USP30: variants seen among roughly 807,000 people sequenced by gnomAD.
The protein encoded by USP30 is ubiquitin carboxyl-terminal hydrolase 30.
A neutral mutation model predicts 68.2 loss-of-function variants in USP30; 41 were observed. The ratio of observed to expected loss-of-function variants is 0.60; its 90% confidence interval spans 0.47 to 0.78. The LOEUF is 0.78. USP30 is among the 30% of genes least tolerant of loss of function. USP30 has a pLI of 0.00. For synonymous variants in USP30, 229 were observed against 253.7 expected, an observed-to-expected ratio of 0.90 and a Z score of 0.93; for missense variants, 522 against 649.4, an observed-to-expected ratio of 0.80 and a Z score of 2.13.
intron 4 of USP30, among the ~76,000 whole-genome samples, chr12:109,069,234 C>G (rs1004419963): frequency 6.6e-6 from 1 of 152,178 alleles, no homozygotes; most frequent in Non-Finnish European, 1.5e-5. Flanking sequence ...CATGGCTGAC[C>G]CACGGTTTAG....
At chr12:109,027,148 AT>A (rs2040450400) in intron 2 of USP30, among the ~76,000 whole-genome samples, 1 of 152,216 alleles carries the variant, frequency 6.6e-6, no homozygotes, top group Non-Finnish European at 1.5e-5. Flanking sequence ...GAGTATATTC[AT>A]AATGTTATAT....
Position 109,058,398 on chromosome 12 carries a change from A to T in USP30, c.376+290A>T, listed in dbSNP as rs144115468. 1.4e-4 allele frequency among the ~76,000 whole-genome samples: 21 copies of T among 152,206 alleles called. No homozygotes were observed. In the East Asian group the frequency reaches 4.1e-3, roughly 29 times the overall value. On this transcript the variant is annotated intron_variant, in intron 3 of 12. Transcript: ENST00000257548. ...AGCCTGACCAACATGGAGAAACTCC[A>T]TCTCTACTAAAAACACAAAAAATAT...
At chr12:109,074,950 G>A (rs2041551865) in intron 7 of USP30, among the ~76,000 whole-genome samples, 1 of 152,170 alleles carries the variant, frequency 6.6e-6, no homozygotes, top group Non-Finnish European at 1.5e-5. Context: ...TTCCATATAG[G>A]TATGAGATCA....
intron 1 of USP30, among the ~76,000 whole-genome samples, chr12:109,054,383 A>G (rs2040774231): frequency 6.6e-6 from 1 of 151,902 alleles, no homozygotes; most frequent in African/African-American, 2.4e-5. Context: ...TTACCTGGGC[A>G]TGTGGTGTGC....
At position 109,073,537 on chromosome 12, in the gene USP30, A is replaced by G. The variant is rs750540227; in HGVS notation, c.720+5A>G. The G allele has an allele frequency of 3.7e-6, 6 of 1,604,720 alleles. No homozygotes were observed. In the South Asian group the frequency reaches 6.6e-5, roughly 18 times the overall value. On this transcript the variant is annotated splice_donor_5th_base_variant and intron_variant, in intron 7 of 12. Transcript: ENST00000257548. ...TGCAAACACTGTGAACACCAGGTAA[A>G]TACAATACCAACACTTGATATTTCC...
At chr12:109,069,850 T>C (rs1282943700) in intron 4 of USP30, among the ~76,000 whole-genome samples, 1 of 151,898 alleles carries the variant, frequency 6.6e-6, no homozygotes, top group Non-Finnish European at 1.5e-5. Context: ...AGACCGGAAG[T>C]ATAAAAGAGA....
rs561447665 is a variant in USP30, at chr12:109,077,586, T to C, written c.721-3748T>C. 8.5e-5 allele frequency among the ~76,000 whole-genome samples: 13 copies of C among 152,338 alleles called. No individual in the cohort carries two copies. The South Asian group carries it at 2.7e-3, about 32-fold the overall frequency. ...GTGGACAGCATATAATGGGTCTTGC[T>C]TTTTTAACTAGCTTGACAATCTTTT... is the stretch of plus-strand genomic sequence containing the variant. On this transcript the variant is annotated intron_variant, in intron 7 of 12. Transcript: ENST00000257548.
At chr12:109,030,386 C>A (rs1039787474) in intron 3 of USP30, among the ~76,000 whole-genome samples, 11 of 152,164 alleles carry the variant, frequency 7.2e-5, no homozygotes, top group African/African-American at 2.7e-4. Flanking sequence ...GTCAAACTCC[C>A]ACTATAAGCA....
intron 3 of USP30, among the ~76,000 whole-genome samples, chr12:109,040,317 T>A (rs541569182): frequency 1.3e-5 from 2 of 152,342 alleles, no homozygotes; most frequent in South Asian, 4.2e-4. Flanking sequence ...TATGTTCTGA[T>A]CCACTTGACT....
intron 5 of USP30, 151 bp from the exon 6 acceptor site, chr12:109,072,154 G>T: frequency 1.5e-6 from 1 of 661,498 alleles, no homozygotes; most frequent in Non-Finnish European, 2.7e-6. Flanking sequence ...TAGGCTAATT[G>T]AGGCTACCTT....
chr12:109,056,178 G>T (rs1359327976), intron 1 of USP30, among the ~76,000 whole-genome samples: 3 of 13,820 alleles, frequency 2.2e-4, no homozygotes, highest in Non-Finnish European at 5.1e-4. Flanking sequence ...CTTAGTTTTT[G>T]TTGTTGTTGT....
chr12:109,048,321 G>C (rs934900998), upstream of USP30, among the ~76,000 whole-genome samples: 1 of 151,998 alleles, frequency 6.6e-6, no homozygotes, highest in African/African-American at 2.4e-5. Context: ...CTGGGTTCAA[G>C]GGGTCCACTC....
At chr12:109,082,631 A>G (rs764875261) in intron 9 of USP30, 32 bp from the exon 10 acceptor site, 5 of 1,608,444 alleles carry the variant, frequency 3.1e-6, no homozygotes, top group Non-Finnish European at 3.4e-6. Flanking sequence ...TATTTTAGGC[A>G]TTGCTGCAGA....
At chr12:109,055,467 A>G (rs1302863498) in intron 1 of USP30, among the ~76,000 whole-genome samples, 6 of 132,954 alleles carry the variant, frequency 4.5e-5, no homozygotes, top group African/African-American at 1.4e-4. Flanking sequence ...CAGTGGCGCA[A>G]TCTGGGCTCA....
intron 3 of USP30, among the ~76,000 whole-genome samples, chr12:109,033,207 A>G (rs1034707347): frequency 1.3e-5 from 2 of 152,230 alleles, no homozygotes; most frequent in African/African-American, 4.8e-5. Context: ...CTAAACTTAA[A>G]ACATGTTATT....
chr12:109,035,717 TA>T (rs2040513725), intron 3 of USP30, among the ~76,000 whole-genome samples: 1 of 152,312 alleles, frequency 6.6e-6, no homozygotes, highest in South Asian at 2.1e-4. Context: ...ATTTCAATAG[TA>T]TATAAAAACA....
chr12:109,072,228 G>A, intron 5 of USP30, 77 bp from the exon 6 acceptor site: 1 of 1,309,854 alleles, frequency 7.6e-7, no homozygotes, highest in South Asian at 1.2e-5. Context: ...AACTTGTAAG[G>A]TTTAGGGGTG....
Position 109,085,739 on chromosome 12 carries a change from C to T in USP30, c.1362C>T (p.Val454=). Residue 454 remains valine (V), a synonymous_variant, in exon 13 of 13, where the codon GTC becomes GTT. Transcript: ENST00000257548. ...GAGACATGCACTCTGGACACTTTGTCACTTACCGACGGTCCCCACCTTCTG... is the reference window on the plus strand; with the variant it reads ...GAGACATGCACTCTGGACACTTTGTTACTTACCGACGGTCCCCACCTTCTG... ...HHGDMHSGHF[V]TYRRSPPSAR... The T allele has an allele frequency of 2.5e-6, 4 of 1,614,216 alleles. No individual in the cohort carries two copies. Among genetic ancestry groups the T allele is most frequent in the Non-Finnish European group, 3.4e-6 (4 of 1,180,036 alleles).
intron 2 of USP30, 69 bp downstream of exon 2, chr12:109,056,860 A>C: frequency 1.8e-6 from 2 of 1,136,664 alleles, no homozygotes; most frequent in Non-Finnish European, 2.5e-6. Context: ...AAAACAGTAC[A>C]AAGAAGGTGG....
Sources: gnomAD v4.1 joint callset for allele counts (sites outside exome capture counted in the v4.1 genomes callset) on GRCh38, gnomAD v4.1.1 for gene constraint, MANE v1.5 for transcripts, NCBI Gene and HGNC (gene_info 2026-07-23, HGNC 2026-07-21) for gene names.